Variants in AXDND1 observed in about 807,000 individuals in gnomAD.
The protein encoded by AXDND1 is axonemal dynein light chain domain containing 1.
Under a neutral mutation model 137.5 loss-of-function variants are expected in AXDND1, and 110 were observed. The observed-to-expected ratio is 0.80, with a 90% CI of 0.69 to 0.94. AXDND1 has a LOEUF of 0.94. AXDND1 is among the 40% of genes least tolerant of loss of function. The probability of loss-of-function intolerance (pLI) is 0.00; values close to 1 mark genes in which losing one functional copy is unlikely to be tolerated. For missense variants in AXDND1, 1,191 were observed against 1,169.8 expected (o/e 1.02, Z -0.26); for synonymous variants, 414 against 399.7 (o/e 1.04, Z -0.43).
At chr1:179,458,539 T>C (rs1038719222) in intron 16 of AXDND1, among the ~76,000 whole-genome samples, 1 of 152,020 alleles carries the variant, frequency 6.6e-6, no homozygotes, top group African/African-American at 2.4e-5. Context: ...TTAGCAAAGA[T>C]TAAAAGCAAA....
rs1484452458 is a variant in AXDND1 at position 179,368,977 on chromosome 1, G to A, written c.270+5G>A. ...AAGAAAATTAAAACCCCAAAGGTTT[G>A]TATGTACATATGTAGAGTAATGGGG... On this transcript the variant is annotated splice_donor_5th_base_variant and intron_variant, in intron 3 of 25. Coordinates refer to ENST00000367618, the MANE Select transcript of AXDND1 (RefSeq NM_144696.6). The A allele has an allele frequency of 6.2e-7, 1 of 1,603,570 alleles. No individual in the cohort carries two copies. Among genetic ancestry groups the A allele is most frequent in the Non-Finnish European group, 8.5e-7 (1 of 1,172,246 alleles).
At chr1:179,462,681 G>C (rs1305738153) in intron 16 of AXDND1, among the ~76,000 whole-genome samples, 3 of 150,870 alleles carry the variant, frequency 2.0e-5, no homozygotes, top group Non-Finnish European at 4.5e-5. Flanking sequence ...GGTCCTGGTT[G>C]GTAAGCTATT....
intron 25 of AXDND1, chr1:179,551,669 A>G (rs1235558741): frequency 3.5e-6 from 2 of 578,296 alleles, no homozygotes; most frequent in Non-Finnish European, 6.1e-6. Context: ...AGGAGCCATC[A>G]CAAGTATAAA....
intron 19 of AXDND1, 107 bp downstream of exon 19, chr1:179,491,844 G>A: frequency 2.0e-6 from 2 of 999,070 alleles, no homozygotes; most frequent in Non-Finnish European, 2.9e-6. Flanking sequence ...AACCTTGAAA[G>A]AAATACTAGT....
intron 25 of AXDND1, among the ~76,000 whole-genome samples, chr1:179,542,924 A>G (rs1433864482): frequency 6.6e-6 from 1 of 152,176 alleles, no homozygotes; most frequent in Non-Finnish European, 1.5e-5. Flanking sequence ...AGCTCAGGAG[A>G]GCTGCCTCCT....
intron 19 of AXDND1, among the ~76,000 whole-genome samples, chr1:179,492,535 T>G (rs538842551): frequency 6.6e-6 from 1 of 152,272 alleles, no homozygotes; most frequent in East Asian, 1.9e-4. Context: ...ATCTATTAAC[T>G]GAGATGCAAG....
At chr1:179,470,668 A>G (rs1663807017) in intron 17 of AXDND1, among the ~76,000 whole-genome samples, 1 of 152,006 alleles carries the variant, frequency 6.6e-6, no homozygotes, top group African/African-American at 2.4e-5. Context: ...TATTAGTTGC[A>G]ATAATTTTTT....
At chr1:179,413,856 C>T (rs770366029) in intron 12 of AXDND1, among the ~76,000 whole-genome samples, 6 of 152,142 alleles carry the variant, frequency 3.9e-5, no homozygotes, top group South Asian at 2.1e-4. Context: ...TTTACATTCC[C>T]ACCATAGTAT....
chr1:179,540,721 A>G (rs376858443), intron 25 of AXDND1, among the ~76,000 whole-genome samples: 12 of 152,198 alleles, frequency 7.9e-5, no homozygotes, highest in East Asian at 3.9e-4. Flanking sequence ...CTCGATCGCC[A>G]TGCTGGGAGA....
At position 179,492,884 on chromosome 1, in the gene AXDND1, C is replaced by T. The variant is rs769329725; in HGVS notation, c.2321C>T (p.Ala774Val). 34 of 1,609,594 alleles carry T rather than the reference C, an allele frequency of 2.1e-5. No individual in the cohort carries two copies. Among genetic ancestry groups the T allele is most frequent in the Non-Finnish European group, 2.7e-5 (32 of 1,178,846 alleles). Residue 774 changes from alanine (A) to valine (V), a missense_variant, in exon 20 of 26, where the codon GCT becomes GTT. Coordinates refer to ENST00000367618, the MANE Select transcript of AXDND1 (RefSeq NM_144696.6). ...TGCAAAGGGATGGTAACAGCAATGGCTCTGAGTAAATCCACTAACTCACAC... is the reference window on the plus strand; with the variant it reads ...TGCAAAGGGATGGTAACAGCAATGGTTCTGAGTAAATCCACTAACTCACAC... ...SCCKGMVTAM[A>V]LSKSTNSHKN...
At position 179,457,201 on chromosome 1, in the gene AXDND1, C is replaced by T. The variant is rs1447070316; in HGVS notation, c.1799-11242C>T. 17 of 755,324 alleles carry T rather than the reference C, an allele frequency of 2.3e-5. No homozygotes were observed. The Admixed American group carries it at 2.8e-4, about 12-fold the overall frequency. The allele number at this position is 755,324 out of a possible 1,614,324, so 46.8% of individuals were successfully genotyped here. On this transcript the variant is annotated intron_variant, in intron 16 of 25. Coordinates refer to ENST00000367618, the MANE Select transcript of AXDND1 (RefSeq NM_144696.6). ...AGTGCTTGGTATTTGGATCTCATTA[C>T]CACACAGTCCATGAGCATTCCTCAT...
chr1:179,437,687 AAAC>A (rs1658369065), intron 15 of AXDND1, among the ~76,000 whole-genome samples: 1 of 152,204 alleles, frequency 6.6e-6, no homozygotes, highest in South Asian at 2.1e-4. Context: ...GACAGAGACA[AAAC>A]AACATTATTC....
intron 16 of AXDND1, among the ~76,000 whole-genome samples, chr1:179,461,454 C>G (rs555599783): frequency 1.3e-5 from 2 of 151,616 alleles, no homozygotes; most frequent in African/African-American, 2.4e-5. Flanking sequence ...GTTACTGTAG[C>G]CTTGTAGTAT....
At chr1:179,421,813 G>A (rs1169190928) in intron 12 of AXDND1, among the ~76,000 whole-genome samples, 1 of 151,886 alleles carries the variant, frequency 6.6e-6, no homozygotes, top group Non-Finnish European at 1.5e-5. Flanking sequence ...CAGAGTGGGT[G>A]GATCACCTGA....
intron 16 of AXDND1, chr1:179,454,912 G>A (rs1385089369): frequency 6.6e-6 from 1 of 151,890 alleles, no homozygotes; most frequent in Non-Finnish European, 1.5e-5. Context: ...TGGCTAACAT[G>A]GTGAAATCCC....
chr1:179,406,716 C>T (rs975386971), intron 11 of AXDND1, among the ~76,000 whole-genome samples: 43 of 151,942 alleles, frequency 2.8e-4, no homozygotes, highest in Non-Finnish European at 2.9e-4. Context: ...TGTCTTTTTC[C>T]ATCTCTTCAC....
chr1:179,381,018 T>A (rs1648179858), intron 6 of AXDND1, among the ~76,000 whole-genome samples: 2 of 150,340 alleles, frequency 1.3e-5, no homozygotes, highest in Admixed American at 6.7e-5. Flanking sequence ...CCATTAGTTA[T>A]AGATCTTTTG....
chr1:179,422,075 C>T lies in AXDND1; in HGVS notation c.1231-7443C>T, dbSNP rs138909604. ...AAAAAAAAAAAAACAGCAGCTTTTC[C>T]TTTCATTGATTCCTTGTATTTATTG... On this transcript the variant is annotated intron_variant, in intron 12 of 25. Coordinates refer to ENST00000367618, the MANE Select transcript of AXDND1 (RefSeq NM_144696.6). Among the ~76,000 whole-genome samples the T allele has an allele frequency of 1.3e-3, 195 of 150,960 alleles. 1 individual carries two copies. Among genetic ancestry groups the T allele is most frequent in the African/African-American group, 4.6e-3 (189 of 41,174 alleles).
chr1:179,540,570 G>A (rs1182042757), intron 25 of AXDND1, among the ~76,000 whole-genome samples: 2 of 152,164 alleles, frequency 1.3e-5, no homozygotes, highest in Non-Finnish European at 2.9e-5. Flanking sequence ...TGGAAGCTTC[G>A]TCCCAGAGGG....
Sources: gnomAD v4.1 joint callset for allele counts (sites outside exome capture counted in the v4.1 genomes callset) on GRCh38, gnomAD v4.1.1 for gene constraint, MANE v1.5 for transcripts, NCBI Gene and HGNC (gene_info 2026-07-23, HGNC 2026-07-21) for gene names.